The following L3MBTL1 variants were observed in gnomAD, a reference collection of about 807,000 sequenced individuals.
L3MBTL1 encodes lethal(3)malignant brain tumor-like protein 1.
A neutral mutation model predicts 105.3 loss-of-function variants in L3MBTL1; 75 were observed. The observed-to-expected ratio is 0.71, with a 90% CI of 0.59 to 0.86. The LOEUF (loss-of-function observed/expected upper bound fraction) is 0.86, where lower values mean the gene tolerates loss of function less well. Among genes scored for constraint, L3MBTL1 ranks in the 40% least tolerant of loss-of-function variants. The pLI is 0.00. For synonymous variants in L3MBTL1, 452 were observed against 436.2 expected, an observed-to-expected ratio of 1.04 and a Z score of -0.45; for missense variants, 1,069 against 1,126.4, an observed-to-expected ratio of 0.95 and a Z score of 0.73.
chr20:43,527,084 G>C (rs2019071600), intron 7 of L3MBTL1, among the ~76,000 whole-genome samples: 1 of 152,218 alleles, frequency 6.6e-6, no homozygotes, highest in Non-Finnish European at 1.5e-5. Context: ...AAGAGAAGCA[G>C]AGCTAGAATC....
intron 7 of L3MBTL1, among the ~76,000 whole-genome samples, chr20:43,518,855 A>C (rs1385987534): frequency 2.0e-5 from 2 of 100,342 alleles, no homozygotes; most frequent in Non-Finnish European, 4.3e-5. Flanking sequence ...AAAATACAAA[A>C]AAAAAAAAAA....
chr20:43,532,892 C>G lies in L3MBTL1; in HGVS notation c.1404C>G (p.His468Gln). Residue 468 changes from histidine (H) to glutamine (Q), a missense_variant, in exon 12 of 22, where the codon CAC (histidine) becomes CAG (glutamine). Transcript: ENST00000418998. Reference protein sequence around the residue: ...TDVVDSRFLVHFDNWDDTYDY... With the variant: ...TDVVDSRFLVQFDNWDDTYDY... ...TGGTGGACAGCCGCTTCCTGGTGCA[C>G]TTTGACAACTGGGATGATACTTATG... 2 of 1,614,120 alleles carry G rather than the reference C, an allele frequency of 1.2e-6. No homozygotes were observed. The highest frequency in any genetic ancestry group is 2.2e-5 in the South Asian group (2 of 91,084).
Position 43,541,329 on chromosome 20 carries a change from T to C in L3MBTL1, c.*201T>C, listed in dbSNP as rs2019906545. On this transcript the variant is annotated 3_prime_UTR_variant, in exon 22 of 22. Transcript: ENST00000418998. Reference sequence around the variant, plus strand: ...TCCCAGTTCTGTCAATTTGAGCTGTTTACTGTCTCTGAGCCTACATCTTCT... The same window carrying C: ...TCCCAGTTCTGTCAATTTGAGCTGTCTACTGTCTCTGAGCCTACATCTTCT... 2 of 1,014,302 alleles carry C rather than the reference T, an allele frequency of 2.0e-6. No homozygotes were observed. The highest frequency in any genetic ancestry group is 2.8e-6 in the Non-Finnish European group (2 of 725,348). 62.8% of individuals were successfully genotyped at this position (1,014,302 alleles called of 1,614,324 possible).
Position 43,535,710 on chromosome 20 carries a change from C to A in L3MBTL1, c.1826-127C>A. The A allele has an allele frequency of 4.8e-6, 3 of 630,442 alleles. No individual in the cohort carries two copies. The South Asian group carries it at 6.5e-5, about 14-fold the overall frequency. The allele number at this position is 630,442 out of a possible 1,614,324, so 39.1% of individuals were successfully genotyped here. ...TAACACAGAATGGTGTCACAGCCAA[C>A]GCAGGGCCCTCATCCTTGGGGAGTG... On this transcript the variant is annotated intron_variant, in intron 16 of 21. Coordinates refer to ENST00000418998, the MANE Select transcript of L3MBTL1 (RefSeq NM_001377303.1).
intron 16 of L3MBTL1, among the ~76,000 whole-genome samples, chr20:43,535,304 TTGTC>T (rs1035835171): frequency 6.6e-6 from 1 of 152,164 alleles, no homozygotes; most frequent in Non-Finnish European, 1.5e-5. Context: ...TAAATTCTGA[TTGTC>T]TGTGCAGGCA....
intron 9 of L3MBTL1, 85 bp downstream of exon 9, chr20:43,529,453 C>A: frequency 1.1e-6 from 1 of 901,320 alleles, no homozygotes; most frequent in Non-Finnish European, 1.8e-6. Context: ...AAGGAAACAC[C>A]TCCCTCCCCT....
chr20:43,540,952 A>T lies in L3MBTL1; in HGVS notation c.2413A>T (p.Thr805Ser). ...CCACCAGGCAAGAATAGTCAGAGTG[A>T]CCCATGTATCTGGGAAGACTCTAGT... ...FKDEARIVRV[T>S]HVSGKTLVWT... The change falls in exon 22 of 22, where the codon ACC becomes TCC. Residue 805 changes from threonine (T) to serine (S), a missense_variant. Transcript: ENST00000418998. The T allele has an allele frequency of 1.9e-6, 3 of 1,614,066 alleles. No individual in the cohort carries two copies. Among genetic ancestry groups the T allele is most frequent in the Non-Finnish European group, 1.7e-6 (2 of 1,180,004 alleles).
chr20:43,550,835 A>T (rs1001313308), exon 19 of L3MBTL1: 1 of 152,218 alleles, frequency 6.6e-6, no homozygotes, highest in African/African-American at 2.4e-5. Context: ...TGTGTTCTTT[A>T]AGAGAATCTT....
At chr20:43,518,728 G>T (rs1210197523) in intron 7 of L3MBTL1, among the ~76,000 whole-genome samples, 1 of 151,668 alleles carries the variant, frequency 6.6e-6, no homozygotes. Flanking sequence ...ACACTTTAAG[G>T]CCGGGCACGG....
At chr20:43,515,663 T>G in intron 6 of L3MBTL1, 1 of 518,312 alleles carries the variant, frequency 1.9e-6, no homozygotes, top group Non-Finnish European at 3.4e-6. Flanking sequence ...CATAGTCAGG[T>G]GAACTAGCAC....
Position 43,533,417 on chromosome 20 carries a change from A to G in L3MBTL1, c.1512A>G (p.Gln504=). The change falls in exon 13 of 22, where the codon CAA becomes CAG. Residue 504 remains glutamine, a splice_region_variant and synonymous_variant. Transcript: ENST00000418998. ...AAGGAAAGCCCCTCACCCCTCCACA[A>G]GGTGACCCTGCAGCCTGAGCAAGCC... The part of the protein sequence containing the change: ...QKQGKPLTPP[Q]DYPDPDNFCW... 6.2e-7 allele frequency: 1 copy of G among 1,612,556 alleles called. No individual in the cohort carries two copies. The highest frequency in any genetic ancestry group is 8.5e-7 in the Non-Finnish European group (1 of 1,179,326).
intron 1 of L3MBTL1, among the ~76,000 whole-genome samples, chr20:43,511,128 C>G (rs1053731022): frequency 1.3e-5 from 2 of 152,048 alleles, no homozygotes; most frequent in Non-Finnish European, 2.9e-5. Context: ...TCACTGCAAC[C>G]TCTACCCTCC....
At chr20:43,537,084 A>C (rs374299860) in intron 19 of L3MBTL1, among the ~76,000 whole-genome samples, 13 of 152,168 alleles carry the variant, frequency 8.5e-5, no homozygotes, top group African/African-American at 3.1e-4. Flanking sequence ...TTCACCTTGT[A>C]AGGGGGAGAG....
chr20:43,550,908 G>A (rs1978930117), exon 19 of L3MBTL1: 1 of 152,226 alleles, frequency 6.6e-6, no homozygotes, highest in Non-Finnish European at 1.5e-5. Flanking sequence ...GGTGTGATCT[G>A]TCAGTGTATC....
chr20:43,517,321 C>T (rs894020186), intron 7 of L3MBTL1, among the ~76,000 whole-genome samples: 2 of 152,208 alleles, frequency 1.3e-5, no homozygotes, highest in African/African-American at 4.8e-5. Context: ...GTCTCGAACT[C>T]TTACCTCAGG....
intron 14 of L3MBTL1, 80 bp from the exon 15 acceptor site, chr20:43,534,204 G>C: frequency 6.5e-7 from 1 of 1,536,654 alleles, no homozygotes; most frequent in Non-Finnish European, 8.9e-7. Context: ...GTTTCCCCAG[G>C]CACAGCATTT....
chr20:43,513,106 AAGGTG>A lies in L3MBTL1; in HGVS notation c.-28-367_-28-363del, dbSNP rs1348357352. 2.0e-5 allele frequency among the ~76,000 whole-genome samples: 3 copies of A among 152,326 alleles called. No individual in the cohort carries two copies. The East Asian group carries it at 5.8e-4, about 29-fold the overall frequency. ...TGGGGATAGAGGTGGGGTCAAGAAA[AAGGTG>A]AGTTTGGATGTGGCCTGGGCTATGT... On this transcript the variant is annotated intron_variant, in intron 1 of 21. Coordinates refer to ENST00000418998, the MANE Select transcript of L3MBTL1 (RefSeq NM_001377303.1).
rs1176148989 is a variant in L3MBTL1 at position 43,536,258 on chromosome 20, G to T, written c.2087G>T (p.Gly696Val). 1 of 1,612,128 alleles carries T rather than the reference G, an allele frequency of 6.2e-7. No individual in the cohort carries two copies. Among genetic ancestry groups the T allele is most frequent in the African/African-American group, 1.3e-5 (1 of 75,024 alleles). ...TCAGCCCGCAAGAAGAACCTCTCAG[G>T]CTTCTCCCCAAGGAAGAAGCCTCGC... ...EASARKKNLS[G>V]FSPRKKPRHH... Residue 696 changes from glycine (G) to valine (V), a missense_variant, in exon 18 of 22, where the codon GGC becomes GTC. Gly to Val is a moderately radical substitution (Grantham distance 109, BLOSUM62 -3). Transcript: ENST00000418998.
At chr20:43,545,592 T>A (rs1185528567), downstream of L3MBTL1, among the ~76,000 whole-genome samples, 2 of 152,038 alleles carry the variant, frequency 1.3e-5, no homozygotes, top group African/African-American at 4.8e-5. Flanking sequence ...GGAGAGAGAA[T>A]AGAGTGGCAG....
Sources: allele counts gnomAD v4.1 joint callset (sites outside exome capture counted in the v4.1 genomes callset), GRCh38; gene constraint gnomAD v4.1.1; transcripts MANE v1.5; gene names NCBI Gene and HGNC (gene_info 2026-07-23, HGNC 2026-07-21).